The following CHODL variants were observed in gnomAD, a reference collection of about 807,000 sequenced individuals.
CHODL encodes the protein chondrolectin.
In CHODL, 29 loss-of-function variants were observed where a neutral mutation model predicts 34.5. The observed-to-expected ratio is 0.84, with a 90% CI of 0.63 to 1.15. The LOEUF (loss-of-function observed/expected upper bound fraction) is 1.15, where lower values mean the gene tolerates loss of function less well. CHODL is among the 50% of genes most tolerant of loss of function. The pLI, the probability that CHODL is intolerant of heterozygous loss-of-function variation, is 0.00. For synonymous variants in CHODL, 125 were observed against 116.1 expected (o/e 1.08, Z -0.49); for missense variants, 332 against 332.5 (o/e 1.00, Z 0.01).
chr21:18,096,446 A>C (rs1023142939), intron 2 of CHODL, among the ~76,000 whole-genome samples: 1 of 152,136 alleles, frequency 6.6e-6, no homozygotes, highest in Admixed American at 6.6e-5. Flanking sequence ...AATATTGCTG[A>C]ATTATTTTCC....
intron 2 of CHODL, among the ~76,000 whole-genome samples, chr21:18,209,657 C>G (rs2073752431): frequency 6.6e-6 from 1 of 152,170 alleles, no homozygotes; most frequent in Non-Finnish European, 1.5e-5. Context: ...CAGCACAGCT[C>G]TGAGTCTCAC....
intron 2 of CHODL, among the ~76,000 whole-genome samples, chr21:18,094,190 G>A (rs2065109852): frequency 6.6e-6 from 1 of 152,008 alleles, no homozygotes; most frequent in South Asian, 2.1e-4. Context: ...AAATATATAT[G>A]CACCAAACAC....
At chr21:18,216,996 T>C (rs1321057544) in intron 2 of CHODL, among the ~76,000 whole-genome samples, 1 of 152,158 alleles carries the variant, frequency 6.6e-6, no homozygotes, top group Non-Finnish European at 1.5e-5. Context: ...TTCATCCTTT[T>C]TTATTGCTGA....
chr21:18,049,371 G>A (rs1354133673), intron 2 of CHODL, among the ~76,000 whole-genome samples: 2 of 151,948 alleles, frequency 1.3e-5, no homozygotes, highest in Non-Finnish European at 2.9e-5. Flanking sequence ...ATAATGAACA[G>A]ATCTGGAATT....
At chr21:18,188,884 C>T (rs551086703) in intron 2 of CHODL, among the ~76,000 whole-genome samples, 1 of 152,318 alleles carries the variant, frequency 6.6e-6, no homozygotes, top group East Asian at 1.9e-4. Context: ...ATGAGGATTA[C>T]ATAATTGTTT....
chr21:18,035,315 T>G (rs2064296634), intron 2 of CHODL, among the ~76,000 whole-genome samples: 1 of 151,984 alleles, frequency 6.6e-6, no homozygotes, highest in Admixed American at 6.6e-5. Context: ...TGCATTGTTT[T>G]TGATAAGAAA....
At chr21:18,260,407 A>G (rs1230014133) in intron 4 of CHODL, 121 bp downstream of exon 4, 3 of 591,004 alleles carry the variant, frequency 5.1e-6, no homozygotes, top group African/African-American at 4.0e-5. Flanking sequence ...GTATGGTCCT[A>G]TGGACATTTA....
chr21:18,211,229 G>A (rs957494073), intron 2 of CHODL, among the ~76,000 whole-genome samples: 2 of 151,682 alleles, frequency 1.3e-5, no homozygotes, highest in African/African-American at 2.4e-5. Context: ...TTGTCATTCA[G>A]TAGCATAAAA....
chr21:18,210,343 C>T lies in CHODL; in HGVS notation c.-44-46166C>T, dbSNP rs114516282. ...GATGTGCACAGATTCTCTCTCTGTG[C>T]GACATGGCCACTGCCTGGGGGATGG... On this transcript the variant is annotated intron_variant, in intron 2 of 6. Transcript: ENST00000400127. Among the ~76,000 whole-genome samples the T allele has an allele frequency of 4.7e-4, 72 of 152,250 alleles. 1 individual carries two copies. Among genetic ancestry groups the T allele is most frequent in the Admixed American group, 2.6e-4 (4 of 15,294 alleles).
rs555246167 is a variant in CHODL, at chr21:18,154,985, A to G, written c.-44-101524A>G. On this transcript the variant is annotated intron_variant, in intron 2 of 6. Coordinates refer to the CHODL transcript ENST00000400127. ...GCACAAGGTCATCACCATGTAGGGC[A>G]TAGCTTGGTTGTGACCTGAAAGACA... Among the ~76,000 whole-genome samples the G allele has an allele frequency of 5.4e-4, 82 of 152,334 alleles. 2 individuals carry two copies. The highest frequency in any genetic ancestry group is 6.8e-3 in the Middle Eastern group (2 of 294).
At chr21:17,946,219 C>A (rs902791050) in intron 1 of CHODL, among the ~76,000 whole-genome samples, 1 of 152,190 alleles carries the variant, frequency 6.6e-6, no homozygotes, top group Non-Finnish European at 1.5e-5. Context: ...AGATTGAGAC[C>A]ATCCTGGCTA....
At chr21:18,150,091 G>A (rs1010608524) in intron 2 of CHODL, among the ~76,000 whole-genome samples, 1 of 152,134 alleles carries the variant, frequency 6.6e-6, no homozygotes, top group African/African-American at 2.4e-5. Flanking sequence ...ACTTGAAGCA[G>A]GGGCTTCCAG....
chr21:18,118,515 T>C (rs957193237), intron 2 of CHODL, among the ~76,000 whole-genome samples: 1 of 152,198 alleles, frequency 6.6e-6, no homozygotes, highest in East Asian at 1.9e-4. Flanking sequence ...CATAAATCAC[T>C]CTTCCAATAA....
intron 2 of CHODL, among the ~76,000 whole-genome samples, chr21:18,187,385 C>G (rs2073456588): frequency 6.6e-6 from 1 of 152,142 alleles, no homozygotes; most frequent in African/African-American, 2.4e-5. Flanking sequence ...TCAGCTCAAG[C>G]ACTTTCTCCT....
rs28512327 is a variant in CHODL, at chr21:18,063,896, A to G, written c.-45+35925A>G. ...TCTTTTTCTCACATTTCTCACTCCT[A>G]CTTTCTGCCTGCTTTCTACTCTGTT... is the stretch of plus-strand genomic sequence containing the variant. On this transcript the variant is annotated intron_variant, in intron 2 of 6. Transcript: ENST00000400127. Among the ~76,000 whole-genome samples, 1,407 of 151,808 alleles carry G rather than the reference A, an allele frequency of 9.3e-3. 20 individuals carry two copies. Among genetic ancestry groups the G allele is most frequent in the African/African-American group, 0.031 (1,296 of 41,374 alleles).
At chr21:17,943,556 G>A (rs151193869) in intron 1 of CHODL, among the ~76,000 whole-genome samples, 1 of 152,242 alleles carries the variant, frequency 6.6e-6, no homozygotes, top group East Asian at 1.9e-4. Flanking sequence ...AAGAAGTCTT[G>A]GGCCCCAATT....
intron 2 of CHODL, among the ~76,000 whole-genome samples, chr21:18,062,573 C>A (rs1312605346): frequency 1.3e-5 from 2 of 151,934 alleles, no homozygotes; most frequent in African/African-American, 4.8e-5. Flanking sequence ...TGAGACCAGC[C>A]TGGCCAACAT....
intron 2 of CHODL, among the ~76,000 whole-genome samples, chr21:18,053,712 G>C (rs952193847): frequency 2.0e-5 from 3 of 151,842 alleles, no homozygotes; most frequent in Admixed American, 2.0e-4. Context: ...TTAGTGAGAA[G>C]TACAAAGAGT....
chr21:18,076,802 A>G (rs571843411), intron 2 of CHODL, among the ~76,000 whole-genome samples: 1 of 152,332 alleles, frequency 6.6e-6, no homozygotes, highest in East Asian at 1.9e-4. Context: ...GGCAATGCCT[A>G]GTGGATTCAT....
Sources: allele counts gnomAD v4.1 joint callset (sites outside exome capture counted in the v4.1 genomes callset), GRCh38; gene constraint gnomAD v4.1.1; transcripts MANE v1.5; gene names NCBI Gene and HGNC (gene_info 2026-07-23, HGNC 2026-07-21).